The following ZNF335 variants were observed in gnomAD, a reference collection of about 807,000 sequenced individuals.
The protein encoded by ZNF335 is zinc finger protein 335.
Under a neutral mutation model 145.6 loss-of-function variants are expected in ZNF335, and 84 were observed. The ratio of observed to expected loss-of-function variants is 0.58; its 90% CI spans 0.48 to 0.69. The LOEUF is 0.69. Among genes scored for constraint, ZNF335 ranks in the 30% least tolerant of loss-of-function variants. The pLI is 0.00. For synonymous variants in ZNF335, 761 were observed against 717.0 expected (o/e 1.06, Z -0.98); for missense variants, 1,865 against 1,809.7 (o/e 1.03, Z -0.55).
Position 45,950,642 on chromosome 20 carries a change from G to A in ZNF335, c.3190-47C>T, listed in dbSNP as rs759628506. ...GGGCATTGGCTGGGTCAGGACAGATGGCAACAAATCCCCGGATCCCTGCTG... is the reference window on the plus strand; with the variant it reads ...GGGCATTGGCTGGGTCAGGACAGATAGCAACAAATCCCCGGATCCCTGCTG... On this transcript the variant is annotated intron_variant, in intron 20 of 27. Coordinates refer to ENST00000322927, the MANE Select transcript of ZNF335 (RefSeq NM_022095.4). The A allele has an allele frequency of 2.5e-6, 4 of 1,598,804 alleles. No homozygotes were observed. In the African/African-American group the frequency reaches 4.0e-5, roughly 16 times the overall value.
chr20:45,968,143 G>A lies in ZNF335; in HGVS notation c.521-116C>T, dbSNP rs139572138. 265 of 1,517,036 alleles carry A rather than the reference G, an allele frequency of 1.7e-4. No homozygotes were observed. In the African/African-American group the frequency reaches 3.1e-3, roughly 18 times the overall value. The allele number at this position is 1,517,036 out of a possible 1,614,324, so 94.0% of individuals were successfully genotyped here. On this transcript the variant is annotated intron_variant, in intron 4 of 27. Transcript: ENST00000322927. Reference sequence around the variant, plus strand: ...GTGCAGAACCAAATTCCCCACCAGAGGCCAACCCGTCAGTAGGAAAACTGA... The same window carrying A: ...GTGCAGAACCAAATTCCCCACCAGAAGCCAACCCGTCAGTAGGAAAACTGA...
At position 45,948,679 on chromosome 20, in the gene ZNF335, C is replaced by T; in HGVS notation, c.*274G>A. ...AAGCTGTTCAGGACTGGACTCCGGT[C>T]CCTTTATTGAGACTGACAGGCCAGT... On this transcript the variant is annotated 3_prime_UTR_variant, in exon 28 of 28. Transcript: ENST00000322927. 2.2e-6 allele frequency: 1 copy of T among 462,308 alleles called. No homozygotes were observed. The highest frequency in any genetic ancestry group is 4.3e-5 in the East Asian group (1 of 23,088). The allele number at this position is 462,308 out of a possible 1,614,324, so 28.6% of individuals were successfully genotyped here.
chr20:45,963,766 T>C lies in ZNF335; in HGVS notation c.1327A>G (p.Arg443Gly), dbSNP rs985550971. Residue 443 changes from arginine to glycine, a missense_variant, in exon 8 of 28, where the codon AGG becomes GGG. Transcript: ENST00000322927. The part of the protein sequence containing the change: ...TLPRRRGRPS[R>G]RFLGKKYRKY... ...CGGTATTTCTTGCCTAGGAAGCGCC[T>C]GGAAGGTCGACCTCGGCGCCGGGGC... is the stretch of plus-strand genomic sequence containing the variant. 6.2e-7 allele frequency: 1 copy of C among 1,614,130 alleles called. No individual in the cohort carries two copies.
At position 45,949,126 on chromosome 20, in the gene ZNF335, G is replaced by T. The variant is rs374093617; in HGVS notation, c.3901+44C>A. 4 of 1,613,344 alleles carry T rather than the reference G, an allele frequency of 2.5e-6. No individual in the cohort carries two copies. The African/African-American group carries it at 5.3e-5, about 22-fold the overall frequency. ...ATGGTGAGCTGGAGGCTCAAGAGCT[G>T]GGTCCATACCCAGCCCCATGCTCCT... On this transcript the variant is annotated intron_variant, in intron 27 of 27. Coordinates refer to ENST00000322927, the MANE Select transcript of ZNF335 (RefSeq NM_022095.4).
chr20:45,968,725 C>A, intron 3 of ZNF335: 1 of 261,454 alleles, frequency 3.8e-6, no homozygotes, highest in Non-Finnish European at 7.5e-6. Context: ...CCCAGACTAT[C>A]CCAGGGCTTT....
intron 15 of ZNF335, among the ~76,000 whole-genome samples, chr20:45,958,864 C>G (rs1235152655): frequency 2.0e-5 from 3 of 152,190 alleles, no homozygotes. Context: ...AGATGAAAGT[C>G]ATATGCCTGG....
rs749455025 is a variant in ZNF335, at chr20:45,959,373, C to T, written c.2081G>A (p.Arg694His). The stretch of plus-strand genomic sequence containing the variant: ...TGCGTGTCGGCACCGTACGTGCAGG[C>T]GCAGGTTCTTCTTGTGCCGTGTGCT... ...HFSTRHKKNL[R>H]LHVRCRHASS... Residue 694 changes from arginine to histidine, a missense_variant, in exon 15 of 28, where the codon CGC becomes CAC. Transcript: ENST00000322927. 14 of 1,576,934 alleles carry T rather than the reference C, an allele frequency of 8.9e-6. No homozygotes were observed. The highest frequency in any genetic ancestry group is 2.7e-5 in the African/African-American group (2 of 73,332).
rs764594359 is a variant in ZNF335, at chr20:45,967,931, C to CATGTGG, written c.611_616dup (p.Ser204_Thr205dup). ...GCTGGGCCCACCCTGTGCCTCCAGG[C>CATGTGG]ATGTGGATGTGGATGTGGGGCCATC... On this transcript the variant is annotated inframe_insertion, in exon 5 of 28. Coordinates refer to ENST00000322927, the MANE Select transcript of ZNF335 (RefSeq NM_022095.4). 7 of 1,612,860 alleles carry CATGTGG rather than the reference C, an allele frequency of 4.3e-6. No individual in the cohort carries two copies. The highest frequency in any genetic ancestry group is 2.2e-5 in the East Asian group (1 of 44,876).
rs372742649 is a variant in ZNF335 at position 45,952,534 on chromosome 20, A to G, written c.2815-13T>C. The G allele has an allele frequency of 3.2e-5, 51 of 1,599,582 alleles. No individual in the cohort carries two copies. Among genetic ancestry groups the G allele is most frequent in the Non-Finnish European group, 4.2e-5 (49 of 1,170,872 alleles). On this transcript the variant is annotated splice_polypyrimidine_tract_variant and intron_variant, in intron 19 of 27. Transcript: ENST00000322927. ...CATCTGCGGTGAGCTGTAGAGAGAC[A>G]GGGAGCATGAGGTACTGAGAAGGGG... is the stretch of plus-strand genomic sequence containing the variant.
intron 17 of ZNF335, 113 bp from the exon 18 acceptor site, chr20:45,954,061 A>G (rs1303570610): frequency 6.2e-6 from 8 of 1,293,276 alleles, no homozygotes; most frequent in Non-Finnish European, 8.3e-6. Flanking sequence ...TAGTCAGACC[A>G]GTGCTGCCAC....
Position 45,949,170 on chromosome 20 carries a change from C to T in ZNF335, c.3901G>A (p.Ala1301Thr). Residue 1301 changes from alanine (A) to threonine (T), a missense_variant and splice_region_variant, in exon 27 of 28, where the codon GCA becomes ACA. By Grantham distance (58) the Ala-to-Thr change is moderately conservative (BLOSUM62 0). Transcript: ENST00000322927. ...LEAAAHSAVT[A>T]VADAAMAQAQ... ...TGCTCCTCAGGATCCAGCTCCATAC[C>T]TGTGACAGCTGAGTGTGCTGCAGCC... 1.2e-6 allele frequency: 2 copies of T among 1,613,694 alleles called. No homozygotes were observed. The highest frequency in any genetic ancestry group is 8.5e-7 in the Non-Finnish European group (1 of 1,179,974).
rs560841190 is a variant in ZNF335 at position 45,950,654 on chromosome 20, C to G, written c.3190-59G>C. The G allele has an allele frequency of 3.8e-6, 6 of 1,592,472 alleles. No individual in the cohort carries two copies. The East Asian group carries it at 6.8e-5, about 18-fold the overall frequency. On this transcript the variant is annotated intron_variant, in intron 20 of 27. Coordinates refer to ENST00000322927, the MANE Select transcript of ZNF335 (RefSeq NM_022095.4). ...GGTCAGGACAGATGGCAACAAATCC[C>G]CGGATCCCTGCTGACAGCTGGTCAG...
rs760267226 is a variant in ZNF335 at position 45,949,503 on chromosome 20, A to G, written c.3735T>C (p.Pro1245=). The part of the protein sequence containing the change: ...HLLPQEYVVV[P]EGHHIQVQEG... ...GGCCTACCTGGATGTGATGGCCTTC[A>G]GGGACCACAACATATTCCTGGGGGA... The change falls in exon 25 of 28, where the codon CCT becomes CCC. Residue 1245 remains proline (P), a synonymous_variant. Transcript: ENST00000322927. The G allele has an allele frequency of 2.5e-6, 4 of 1,613,738 alleles. No individual in the cohort carries two copies. In the East Asian group the frequency reaches 6.7e-5, roughly 27 times the overall value.
chr20:45,969,926 A>C, intron 2 of ZNF335: 38 of 431,644 alleles, frequency 8.8e-5, no homozygotes, highest in Middle Eastern at 6.1e-4. Context: ...AAATAAGAGA[A>C]GGGACTCCTA....
chr20:45,952,827 C>G, intron 18 of ZNF335, 118 bp from the exon 19 acceptor site: 1 of 844,000 alleles, frequency 1.2e-6, no homozygotes. Context: ...GTCAGAAGGG[C>G]CCAGGGTTCA....
chr20:45,954,050 C>G, intron 17 of ZNF335, 102 bp from the exon 18 acceptor site: 1 of 1,371,590 alleles, frequency 7.3e-7, no homozygotes, highest in Non-Finnish European at 9.8e-7. Context: ...CCCACACACT[C>G]TAGTCAGACC....
Position 45,952,385 on chromosome 20 carries a change from C to T in ZNF335, c.2951G>A (p.Gly984Glu), listed in dbSNP as rs751999145. Residue 984 changes from glycine to glutamate, a missense_variant, in exon 20 of 28, where the codon GGG (glycine) becomes GAG (glutamate). By Grantham distance (98) the Gly-to-Glu change is moderately conservative. Coordinates refer to ENST00000322927, the MANE Select transcript of ZNF335 (RefSeq NM_022095.4). Reference sequence around the variant, plus strand: ...TGAGGAGGCAGAGCTCTGGGAGTCCCCTACGCAGTGGGTCTTGGCTGGAGA... The same window carrying T: ...TGAGGAGGCAGAGCTCTGGGAGTCCTCTACGCAGTGGGTCTTGGCTGGAGA... ...PPSPAKTHCV[G>E]DSQSSASSPP... The T allele has an allele frequency of 6.2e-7, 1 of 1,603,322 alleles. No homozygotes were observed.
chr20:45,971,625 T>G (rs772104248), intron 1 of ZNF335, 165 bp from the exon 2 acceptor site: 60 of 985,324 alleles, frequency 6.1e-5, no homozygotes, highest in Non-Finnish European at 6.7e-5. Context: ...GGGAAAAACT[T>G]GACGGAGAAG....
chr20:45,952,107 A>T (rs1282021516), intron 20 of ZNF335, 40 bp downstream of exon 20: 2 of 1,548,678 alleles, frequency 1.3e-6, no homozygotes, highest in Non-Finnish European at 1.7e-6. Context: ...CGAGTAGCCC[A>T]ATGAATGACA....
Sources: gnomAD v4.1 joint callset for allele counts (sites outside exome capture counted in the v4.1 genomes callset) on GRCh38, gnomAD v4.1.1 for gene constraint, MANE v1.5 for transcripts, NCBI Gene and HGNC (gene_info 2026-07-23, HGNC 2026-07-21) for gene names.